Variants in ARAP2 observed in about 807,000 individuals in gnomAD.
The protein encoded by ARAP2 is arf-GAP with Rho-GAP domain, ANK repeat and PH domain-containing protein 2.
Under a neutral mutation model 194.5 loss-of-function variants are expected in ARAP2, and 148 were observed. The ratio of observed to expected loss-of-function variants is 0.76; its 90% CI spans 0.67 to 0.87. The LOEUF (loss-of-function observed/expected upper bound fraction) is 0.87, where lower values mean the gene tolerates loss of function less well. Ranked by LOEUF, ARAP2 falls within the 40% of genes least tolerant of loss-of-function variation. The pLI is 0.00. For synonymous variants in ARAP2, 695 were observed against 683.5 expected (o/e 1.02, Z -0.26); for missense variants, 2,128 against 1,989.7 (o/e 1.07, Z -1.32).
downstream of ARAP2, chr4:36,065,391 A>C (rs1577711194): frequency 1.9e-6 from 1 of 522,954 alleles, no homozygotes; most frequent in East Asian, 5.6e-5. Flanking sequence ...GGGCCCCAGG[A>C]ATGGCTTCTC....
chr4:36,142,881 T>A (rs1255743006), intron 19 of ARAP2, among the ~76,000 whole-genome samples: 1 of 151,792 alleles, frequency 6.6e-6, no homozygotes, highest in African/African-American at 2.4e-5. Context: ...AATCTGTTAA[T>A]CTTTTCATGA....
chr4:36,125,166 GTAT>G (rs1419723206), intron 21 of ARAP2, among the ~76,000 whole-genome samples, 199 bp from the exon 22 acceptor site: 2 of 151,822 alleles, frequency 1.3e-5, no homozygotes, highest in Non-Finnish European at 2.9e-5. Flanking sequence ...TAACATTCCA[GTAT>G]TATGTGCTCT....
chr4:36,124,097 A>G lies in ARAP2; in HGVS notation c.3746+765T>C, dbSNP rs533960253. ...TTTTACAATAATGGAGCTGACATAAATGAGAAGTAGTGGTTGGGAAAGAAA... is the reference window on the plus strand; with the variant it reads ...TTTTACAATAATGGAGCTGACATAAGTGAGAAGTAGTGGTTGGGAAAGAAA... On this transcript the variant is annotated intron_variant, in intron 22 of 32. Transcript: ENST00000303965. Among the ~76,000 whole-genome samples the G allele has an allele frequency of 2.1e-4, 32 of 152,004 alleles. No homozygotes were observed. In the South Asian group the frequency reaches 6.2e-3, roughly 30 times the overall value.
At chr4:36,099,658 G>A (rs1191915731) in intron 27 of ARAP2, among the ~76,000 whole-genome samples, 4 of 151,976 alleles carry the variant, frequency 2.6e-5, no homozygotes, top group African/African-American at 9.7e-5. Flanking sequence ...TTCAATCTAG[G>A]CAAGAGCTGA....
intron 5 of ARAP2, among the ~76,000 whole-genome samples, chr4:36,212,067 C>T (rs1746874787): frequency 6.6e-6 from 1 of 152,158 alleles, no homozygotes; most frequent in African/African-American, 2.4e-5. Context: ...ATGTTCTGCA[C>T]TGCCCTTTTC....
At chr4:36,076,947 A>G (rs1040586520) in intron 31 of ARAP2, among the ~76,000 whole-genome samples, 3 of 152,158 alleles carry the variant, frequency 2.0e-5, no homozygotes, top group African/African-American at 7.2e-5. Context: ...CTCAAATTGC[A>G]ATAGCCAATT....
chr4:36,112,087 C>T (rs1328853902), intron 26 of ARAP2, among the ~76,000 whole-genome samples: 2 of 151,906 alleles, frequency 1.3e-5, no homozygotes, highest in African/African-American at 4.8e-5. Context: ...CTATGTGCCT[C>T]CCACATTTGG....
downstream of ARAP2, among the ~76,000 whole-genome samples, chr4:36,061,985 A>T (rs1724516947): frequency 6.6e-6 from 1 of 152,130 alleles, no homozygotes; most frequent in Admixed American, 6.5e-5. Context: ...GCCAACTTTT[A>T]ATCAAATTAT....
intron 11 of ARAP2, among the ~76,000 whole-genome samples, chr4:36,163,805 G>A (rs76061184): frequency 5.8e-4 from 89 of 152,280 alleles, no homozygotes; most frequent in African/African-American, 2.0e-3. Context: ...CACAAAGGCC[G>A]TCTCTTCCAA....
rs142939410 is a variant in ARAP2, at chr4:36,221,489, C to T, written c.906-7009G>A. 2.6e-4 allele frequency among the ~76,000 whole-genome samples: 40 copies of T among 151,924 alleles called. 1 individual carries two copies. The East Asian group carries it at 7.7e-3, about 29-fold the overall frequency. ...CAAACCTGGGCAGTCTTGTTCCTCA[C>T]CCAGGACCTAAGCCACAATGCTTAA... On this transcript the variant is annotated intron_variant, in intron 2 of 32. Coordinates refer to ENST00000303965, the MANE Select transcript of ARAP2 (RefSeq NM_015230.4).
At chr4:36,042,840 T>C (rs369515407) in intron 5 of ARAP2, among the ~76,000 whole-genome samples, 16 of 145,794 alleles carry the variant, frequency 1.1e-4, no homozygotes, top group African/African-American at 3.2e-4. Context: ...AATGCGTTTT[T>C]TTCTTCTTTT....
chr4:36,039,838 C>G (rs1258235630), intron 5 of ARAP2, among the ~76,000 whole-genome samples: 2 of 152,024 alleles, frequency 1.3e-5, no homozygotes, highest in Non-Finnish European at 2.9e-5. Context: ...TGGAAGAGCT[C>G]TGAGGACAAA....
rs374330633 is a variant in ARAP2 at position 36,128,657 on chromosome 4, G to T, written c.3516C>A (p.Ser1172Arg). 31 of 1,612,590 alleles carry T rather than the reference G, an allele frequency of 1.9e-5. No homozygotes were observed. In the African/African-American group the frequency reaches 3.3e-4, roughly 17 times the overall value. Residue 1172 changes from serine to arginine, a missense_variant, in exon 21 of 33, where the codon AGC becomes AGA. Coordinates refer to ENST00000303965, the MANE Select transcript of ARAP2 (RefSeq NM_015230.4). Reference sequence around the variant, plus strand: ...GATGTTTTCCAGCCCTCAATTTAAAGCTTCTTGCATCCTTTTTGAAACTCT... The same window carrying T: ...GATGTTTTCCAGCCCTCAATTTAAATCTTCTTGCATCCTTTTTGAAACTCT... ...LLESFKKDAR[S>R]FKLRAGKHQL...
intron 1 of ARAP2, among the ~76,000 whole-genome samples, chr4:36,230,672 G>T (rs953417719): frequency 6.6e-6 from 1 of 152,038 alleles, no homozygotes; most frequent in Non-Finnish European, 1.5e-5. Context: ...TACATTGTGC[G>T]TCAATAAAAA....
Position 36,073,713 on chromosome 4 carries a change from T to G in ARAP2, c.4719A>C (p.Ala1573=). 1 of 1,612,526 alleles carries G rather than the reference T, an allele frequency of 6.2e-7. No individual in the cohort carries two copies. The highest frequency in any genetic ancestry group is 8.5e-7 in the Non-Finnish European group (1 of 1,178,956). ...PLIPIQHEGN[A]TLARKNIESA... is the part of the protein sequence containing the mutation. ...CCTCAATATTTTTCCGGGCCAAGGT[T>G]GCATTCCCCTCATGCTGTATAGGAA... The change falls in exon 32 of 33, where the codon GCA becomes GCC. Residue 1573 remains alanine, a synonymous_variant. Coordinates refer to ENST00000303965, the MANE Select transcript of ARAP2 (RefSeq NM_015230.4).
intron 20 of ARAP2, among the ~76,000 whole-genome samples, chr4:36,132,631 T>C (rs570528946): frequency 4.1e-4 from 63 of 151,890 alleles, no homozygotes; most frequent in Admixed American, 1.6e-3. Context: ...AATACTAACA[T>C]AGCATATAAA....
At chr4:36,163,257 G>A (rs1734501956) in intron 11 of ARAP2, among the ~76,000 whole-genome samples, 3 of 151,594 alleles carry the variant, frequency 2.0e-5, no homozygotes, top group Admixed American at 2.0e-4. Context: ...AAAAAATACT[G>A]GAAAAAAAAA....
intron 15 of ARAP2, among the ~76,000 whole-genome samples, chr4:36,156,624 GGT>G (rs1732613613): frequency 6.6e-6 from 1 of 152,134 alleles, no homozygotes. Context: ...AGCACAGGTA[GGT>G]CAGGATGGTG....
intron 31 of ARAP2, among the ~76,000 whole-genome samples, chr4:36,075,976 T>C (rs1382341646): frequency 6.6e-6 from 1 of 152,190 alleles, no homozygotes; most frequent in Non-Finnish European, 1.5e-5. Flanking sequence ...TCAAAAACCC[T>C]GCCTGCGTCA....
Sources: gnomAD v4.1 joint callset for allele counts (sites outside exome capture counted in the v4.1 genomes callset) on GRCh38, gnomAD v4.1.1 for gene constraint, MANE v1.5 for transcripts, NCBI Gene and HGNC (gene_info 2026-07-23, HGNC 2026-07-21) for gene names.